TAFA4: variants seen among roughly 807,000 people sequenced by gnomAD.
TAFA4 encodes the protein chemokine-like protein TAFA-4.
A neutral mutation model predicts 21.1 loss-of-function variants in TAFA4; 20 were observed. That is an observed-to-expected ratio of 0.95 (90% CI 0.67 to 1.38). The LOEUF (loss-of-function observed/expected upper bound fraction) is 1.38. TAFA4 is among the 40% of genes most tolerant of loss of function. The pLI, the probability that TAFA4 is intolerant of heterozygous loss-of-function variation, is 0.00. For synonymous variants in TAFA4, 71 were observed against 67.4 expected (o/e 1.05, Z -0.26); for missense variants, 211 against 180.9 (o/e 1.17, Z -0.95).
chr3:68,792,411 A>G (rs1025793549), intron 3 of TAFA4, among the ~76,000 whole-genome samples: 10 of 152,156 alleles, frequency 6.6e-5, no homozygotes, highest in African/African-American at 1.9e-4. Context: ...GGGACATACT[A>G]TGATTTCATA....
intron 3 of TAFA4, among the ~76,000 whole-genome samples, chr3:68,799,761 C>T (rs938941522): frequency 6.6e-6 from 1 of 152,096 alleles, no homozygotes; most frequent in African/African-American, 2.4e-5. Flanking sequence ...ATCGTGTCTC[C>T]AACCCCTGGG....
At chr3:68,834,399 T>C (rs1704473557) in intron 3 of TAFA4, among the ~76,000 whole-genome samples, 1 of 152,194 alleles carries the variant, frequency 6.6e-6, no homozygotes, top group South Asian at 2.1e-4. Flanking sequence ...AATTTATCTG[T>C]TGGTTGTAAA....
At chr3:68,746,086 A>C (rs991374753) in intron 4 of TAFA4, among the ~76,000 whole-genome samples, 9 of 152,138 alleles carry the variant, frequency 5.9e-5, no homozygotes, top group Non-Finnish European at 4.4e-5. Context: ...CCTGCCCTCA[A>C]ACATTAGACT....
At chr3:68,808,003 G>A (rs1024563146) in intron 3 of TAFA4, among the ~76,000 whole-genome samples, 1 of 152,136 alleles carries the variant, frequency 6.6e-6, no homozygotes, top group Non-Finnish European at 1.5e-5. Flanking sequence ...TATATTGGAA[G>A]GGTGTTTAAC....
At chr3:68,846,439 T>C (rs1248647964) in intron 3 of TAFA4, among the ~76,000 whole-genome samples, 1 of 152,032 alleles carries the variant, frequency 6.6e-6, no homozygotes, top group Non-Finnish European at 1.5e-5. Context: ...AGGTTCTTAG[T>C]CTTCCTTGCA....
chr3:68,917,913 GC>G (rs929873478), intron 1 of TAFA4, among the ~76,000 whole-genome samples: 1 of 152,122 alleles, frequency 6.6e-6, no homozygotes, highest in Non-Finnish European at 1.5e-5. Context: ...TGGCAACGTG[GC>G]TTCTGGCAGA....
intron 3 of TAFA4, among the ~76,000 whole-genome samples, chr3:68,864,133 A>C (rs2089386867): frequency 6.6e-6 from 1 of 152,170 alleles, no homozygotes; most frequent in Non-Finnish European, 1.5e-5. Flanking sequence ...TCTGCTCCTC[A>C]AAAAACATTG....
chr3:68,858,849 T>C (rs912047350), intron 3 of TAFA4, among the ~76,000 whole-genome samples: 4 of 152,022 alleles, frequency 2.6e-5, no homozygotes, highest in East Asian at 1.9e-4. Flanking sequence ...ATTTGAAATA[T>C]AATCTAATTA....
At chr3:68,819,356 T>C (rs552027514) in intron 3 of TAFA4, among the ~76,000 whole-genome samples, 1 of 152,140 alleles carries the variant, frequency 6.6e-6, no homozygotes, top group South Asian at 2.1e-4. Flanking sequence ...CTGTGTTTCT[T>C]TGTCTTGTCT....
At chr3:68,797,009 G>A (rs894862456) in intron 3 of TAFA4, among the ~76,000 whole-genome samples, 2 of 152,162 alleles carry the variant, frequency 1.3e-5, no homozygotes, top group African/African-American at 4.8e-5. Flanking sequence ...AAGTGTTGTT[G>A]AGGATGTGGA....
chr3:68,849,881 C>G (rs994194008), intron 3 of TAFA4, among the ~76,000 whole-genome samples: 33 of 152,132 alleles, frequency 2.2e-4, no homozygotes, highest in Admixed American at 6.5e-5. Context: ...ACATGCCAGC[C>G]CCATTCTTCA....
At chr3:68,925,066 G>A (rs947025968) in intron 1 of TAFA4, among the ~76,000 whole-genome samples, 1 of 152,174 alleles carries the variant, frequency 6.6e-6, no homozygotes, top group Non-Finnish European at 1.5e-5. Flanking sequence ...ATGGAGTTCC[G>A]TGCTTCTAAG....
chr3:68,908,324 T>C (rs2089924038), intron 1 of TAFA4, among the ~76,000 whole-genome samples: 2 of 152,116 alleles, frequency 1.3e-5, no homozygotes, highest in Admixed American at 1.3e-4. Flanking sequence ...CCAGAGTCCT[T>C]CTCTTAACAA....
intron 4 of TAFA4, among the ~76,000 whole-genome samples, chr3:68,741,094 GTTC>G (rs763845245): frequency 2.4e-4 from 37 of 152,242 alleles, no homozygotes; most frequent in Non-Finnish European, 4.1e-4. Flanking sequence ...CTCCAACTCT[GTTC>G]TTCTTTTTCA....
chr3:68,823,787 C>G (rs1704165800), intron 3 of TAFA4, among the ~76,000 whole-genome samples: 1 of 152,156 alleles, frequency 6.6e-6, no homozygotes, highest in African/African-American at 2.4e-5. Context: ...TTATCTTATT[C>G]CTTTTTATGG....
At chr3:68,775,849 A>G (rs184887814) in intron 3 of TAFA4, among the ~76,000 whole-genome samples, 91 of 152,224 alleles carry the variant, frequency 6.0e-4, no homozygotes, top group African/African-American at 2.1e-3. Flanking sequence ...ATCATAAATA[A>G]TATTTACTTC....
At chr3:68,784,155 T>C (rs1182253912) in intron 3 of TAFA4, among the ~76,000 whole-genome samples, 2 of 152,244 alleles carry the variant, frequency 1.3e-5, no homozygotes, top group Non-Finnish European at 2.9e-5. Flanking sequence ...AAAATTAAAA[T>C]AATTCTGACT....
intron 3 of TAFA4, among the ~76,000 whole-genome samples, chr3:68,824,253 C>T (rs1232785170): frequency 1.3e-5 from 2 of 152,206 alleles, no homozygotes; most frequent in African/African-American, 4.8e-5. Flanking sequence ...TATGATGGTT[C>T]TACATGTCAC....
At chr3:68,917,016 G>A (rs2090010335) in intron 1 of TAFA4, among the ~76,000 whole-genome samples, 1 of 152,154 alleles carries the variant, frequency 6.6e-6, no homozygotes. Flanking sequence ...ACTAAGGTAG[G>A]GGGAAGAATA....
Sources: gnomAD v4.1 joint callset for allele counts (sites outside exome capture counted in the v4.1 genomes callset) on GRCh38, gnomAD v4.1.1 for gene constraint, MANE v1.5 for transcripts, NCBI Gene and HGNC (gene_info 2026-07-23, HGNC 2026-07-21) for gene names.